ARHGEF12: variants seen among roughly 807,000 people sequenced by gnomAD.
ARHGEF12 encodes Rho guanine nucleotide exchange factor 12.
In ARHGEF12, 66 loss-of-function variants were observed where a neutral mutation model predicts 211.2. The ratio of observed to expected loss-of-function variants is 0.31; its 90% CI spans 0.26 to 0.38. The LOEUF is 0.38. Ranked by LOEUF, ARHGEF12 falls within the 10% of genes least tolerant of loss-of-function variation. ARHGEF12 has a pLI of 1.00. For synonymous variants in ARHGEF12, 592 were observed against 638.4 expected (o/e 0.93, Z 1.09); for missense variants, 1,429 against 1,869.5 (o/e 0.76, Z 4.34).
intron 15 of ARHGEF12, among the ~76,000 whole-genome samples, chr11:120,445,193 G>T (rs887258124): frequency 6.6e-6 from 1 of 152,136 alleles, no homozygotes; most frequent in African/African-American, 2.4e-5. Context: ...CTAGCTAAAC[G>T]ACTGTAGACT....
At chr11:120,441,991 A>G (rs904969731) in intron 14 of ARHGEF12, 113 bp from the exon 15 acceptor site, 3 of 858,058 alleles carry the variant, frequency 3.5e-6, no homozygotes, top group South Asian at 3.5e-5. Context: ...AGTAATAACT[A>G]CATTGTTTAT....
chr11:120,418,102 G>A (rs879044767), intron 4 of ARHGEF12, among the ~76,000 whole-genome samples: 1 of 152,162 alleles, frequency 6.6e-6, no homozygotes, highest in South Asian at 2.1e-4. Flanking sequence ...TGCACTAATT[G>A]TAAGTGTATG....
intron 10 of ARHGEF12, 60 bp downstream of exon 10, chr11:120,429,891 G>A (rs1591581253): frequency 6.4e-7 from 1 of 1,565,304 alleles, no homozygotes; most frequent in Admixed American, 2.0e-5. Flanking sequence ...TTCTGGGAAT[G>A]TGTCAGAGAA....
At chr11:120,387,805 G>A (rs1944085108) in intron 1 of ARHGEF12, among the ~76,000 whole-genome samples, 1 of 152,118 alleles carries the variant, frequency 6.6e-6, no homozygotes, top group East Asian at 1.9e-4. Context: ...TAAATTTACA[G>A]TGAGTAGAAA....
chr11:120,339,010 T>TC (rs1036015302), intron 1 of ARHGEF12, among the ~76,000 whole-genome samples: 11 of 148,854 alleles, frequency 7.4e-5, no homozygotes, highest in African/African-American at 2.0e-4. Context: ...TTTTTCTTTT[T>TC]TTTTTTTTTT....
In ARHGEF12 at chr11:120,477,314, T is replaced by A; in HGVS notation, c.3452+9T>A. 6.2e-7 allele frequency: 1 copy of A among 1,613,572 alleles called. No homozygotes were observed. Among genetic ancestry groups the A allele is most frequent in the Non-Finnish European group, 8.5e-7 (1 of 1,179,680 alleles). ...CAGTCAACACCTGGCGAGTGAGTGT[T>A]CCTTTGCATTGTAGTAGGACTTATT... On this transcript the variant is annotated intron_variant, in intron 35 of 40. Transcript: ENST00000397843.
intron 1 of ARHGEF12, among the ~76,000 whole-genome samples, chr11:120,363,109 A>G (rs1316148783): frequency 6.6e-6 from 1 of 152,258 alleles, no homozygotes; most frequent in African/African-American, 2.4e-5. Flanking sequence ...CAAAAAATAA[A>G]AAAAGAAAAA....
intron 11 of ARHGEF12, among the ~76,000 whole-genome samples, chr11:120,434,157 T>C (rs916352146): frequency 6.6e-6 from 1 of 151,910 alleles, no homozygotes; most frequent in Non-Finnish European, 1.5e-5. Context: ...AAGAGGGAGA[T>C]CTGTAAGAAA....
chr11:120,469,980 A>C (rs554312748), intron 30 of ARHGEF12, among the ~76,000 whole-genome samples: 1 of 152,336 alleles, frequency 6.6e-6, no homozygotes, highest in Admixed American at 6.5e-5. Flanking sequence ...TATATACCAA[A>C]GTCCTGACGG....
At chr11:120,411,721 C>T (rs1005865949) in intron 4 of ARHGEF12, 1 of 148,902 alleles carries the variant, frequency 6.7e-6, no homozygotes, top group African/African-American at 2.5e-5. Context: ...TCCAAAGTAG[C>T]TGGGACTACA....
chr11:120,474,456 G>A (rs1403729633), intron 31 of ARHGEF12, 104 bp from the exon 32 acceptor site: 2 of 680,586 alleles, frequency 2.9e-6, no homozygotes, highest in African/African-American at 1.8e-5. Flanking sequence ...TGTAAATGGT[G>A]TATTTTATAT....
At chr11:120,340,171 C>G (rs1456102852) in intron 1 of ARHGEF12, among the ~76,000 whole-genome samples, 1 of 152,184 alleles carries the variant, frequency 6.6e-6, no homozygotes, top group Non-Finnish European at 1.5e-5. Flanking sequence ...ACATCCTAAT[C>G]GTTTCCAATC....
chr11:120,413,771 C>T (rs754413636), intron 4 of ARHGEF12, among the ~76,000 whole-genome samples: 3 of 152,166 alleles, frequency 2.0e-5, no homozygotes, highest in African/African-American at 4.8e-5. Context: ...TCTCCACTCC[C>T]TTCCCTGAAG....
At chr11:120,344,180 C>T (rs917435402) in intron 1 of ARHGEF12, among the ~76,000 whole-genome samples, 1 of 137,764 alleles carries the variant, frequency 7.3e-6, no homozygotes, top group East Asian at 2.3e-4. Context: ...ACAGGAGAAT[C>T]ACTTGAACCC....
chr11:120,428,120 A>G lies in ARHGEF12; in HGVS notation c.458A>G (p.Gln153Arg). 1 of 1,609,110 alleles carries G rather than the reference A, an allele frequency of 6.2e-7. No individual in the cohort carries two copies. The highest frequency in any genetic ancestry group is 8.5e-7 in the Non-Finnish European group (1 of 1,177,984). The change falls in exon 8 of 41, where the codon CAG (glutamine) becomes CGG (arginine). Residue 153 changes from glutamine (Q) to arginine (R), a missense_variant. Physicochemically the swap from Gln to Arg is conservative, Grantham distance 43 (BLOSUM62 1). Transcript: ENST00000397843. ...TVQGRPPGSP[Q>R]IPLADSEVEP... ...CAGGGACGCCCACCTGGGTCGCCCC[A>G]GATTCCACTTGCCGACTCTGAAGTA... is the stretch of plus-strand genomic sequence containing the variant.
chr11:120,480,509 A>G lies in ARHGEF12; in HGVS notation c.4237+79A>G, dbSNP rs1418054700. 6 of 1,358,128 alleles carry G rather than the reference A, an allele frequency of 4.4e-6. No homozygotes were observed. The South Asian group carries it at 7.0e-5, about 16-fold the overall frequency. The allele number at this position is 1,358,128 out of a possible 1,614,324, so 84.1% of individuals were successfully genotyped here. On this transcript the variant is annotated intron_variant, in intron 38 of 40. Coordinates refer to ENST00000397843, the MANE Select transcript of ARHGEF12 (RefSeq NM_015313.3). ...TCCTGTATTTTGAAATGGATGTTGTATTGGTATCCAGGTGTGTGTGTGTGT... is the reference window on the plus strand; with the variant it reads ...TCCTGTATTTTGAAATGGATGTTGTGTTGGTATCCAGGTGTGTGTGTGTGT...
chr11:120,478,467 A>G (rs1947127253), intron 37 of ARHGEF12, 78 bp downstream of exon 37: 2 of 1,270,578 alleles, frequency 1.6e-6, no homozygotes, highest in South Asian at 2.7e-5. Context: ...ATGTGGATTT[A>G]TCAAACTCCA....
chr11:120,437,581 A>G (rs10892578), intron 12 of ARHGEF12, among the ~76,000 whole-genome samples, 199 bp downstream of exon 12: 70,539 of 151,956 alleles, frequency 0.46, 17,343 homozygotes, highest in African/African-American at 0.63. Flanking sequence ...AGGTTCCTTC[A>G]TATTTGTCGT....
chr11:120,469,059 T>C (rs1165041997), intron 29 of ARHGEF12, among the ~76,000 whole-genome samples: 1 of 152,182 alleles, frequency 6.6e-6, no homozygotes, highest in East Asian at 1.9e-4. Context: ...TGTACTGTGA[T>C]TTCTTTTTAA....
Sources: gnomAD v4.1 joint callset for allele counts (sites outside exome capture counted in the v4.1 genomes callset) on GRCh38, gnomAD v4.1.1 for gene constraint, MANE v1.5 for transcripts, NCBI Gene and HGNC (gene_info 2026-07-23, HGNC 2026-07-21) for gene names.